Variants in PPARA observed in about 807,000 individuals in gnomAD.
PPARA encodes the protein peroxisome proliferator activated receptor alpha, also known as peroxisome proliferator-activated receptor alpha.
A neutral mutation model predicts 42.2 loss-of-function variants in PPARA; 22 were observed. The ratio of observed to expected loss-of-function variants is 0.52; its 90% CI spans 0.37 to 0.74. The LOEUF (loss-of-function observed/expected upper bound fraction) is 0.74, where lower values mean the gene tolerates loss of function less well. Among genes scored for constraint, PPARA ranks in the 30% least tolerant of loss-of-function variants. The pLI is 0.00. For missense variants in PPARA, 465 were observed against 608.2 expected, an observed-to-expected ratio of 0.76 and a Z score of 2.48; for synonymous variants, 242 against 239.3, an observed-to-expected ratio of 1.01 and a Z score of -0.10.
At position 46,183,545 on chromosome 22, in the gene PPARA, C is replaced by A. The variant is rs777786668; in HGVS notation, c.-43+6709C>A. ...TCACTTGAGTTCAGGAGTTTGAGAC[C>A]AGCCTGGGCAACATGGCGAAACCCT... On this transcript the variant is annotated intron_variant, in intron 3 of 8. Transcript: ENST00000407236. The surrounding 1 kb of genome is among the most constrained non-coding windows in gnomAD (Gnocchi z 5.5). 1.3e-5 allele frequency among the ~76,000 whole-genome samples: 2 copies of A among 151,876 alleles called. No homozygotes were observed. Among genetic ancestry groups the A allele is most frequent in the Non-Finnish European group, 2.9e-5 (2 of 68,030 alleles).
intron 4 of PPARA, 139 bp downstream of exon 4, chr22:46,198,730 G>C: frequency 3.5e-6 from 3 of 867,236 alleles, no homozygotes; most frequent in Non-Finnish European, 5.2e-6. Context: ...GCTCGATCTC[G>C]GCTCACTGCA....
At chr22:46,215,897 A>G (rs1324591146) in intron 5 of PPARA, among the ~76,000 whole-genome samples, 1 of 152,146 alleles carries the variant, frequency 6.6e-6, no homozygotes, top group African/African-American at 2.4e-5. Context: ...AGAATCTAAT[A>G]CTTGATGTTC....
chr22:46,226,153 G>GCA (rs1424434033), intron 7 of PPARA, among the ~76,000 whole-genome samples: 2 of 121,590 alleles, frequency 1.6e-5, no homozygotes, highest in Non-Finnish European at 3.2e-5. Context: ...ATACAAGCAT[G>GCA]CACACATATA....
At chr22:46,157,929 A>T (rs561861155) in intron 2 of PPARA, among the ~76,000 whole-genome samples, 76 of 152,298 alleles carry the variant, frequency 5.0e-4, no homozygotes, top group Non-Finnish European at 9.1e-4. Flanking sequence ...TTATATTTTA[A>T]CTTATAGACC....
chr22:46,169,900 TC>T (rs1927724627), intron 2 of PPARA, among the ~76,000 whole-genome samples: 1 of 151,950 alleles, frequency 6.6e-6, no homozygotes, highest in Non-Finnish European at 1.5e-5. Context: ...CATGTAGGCA[TC>T]CTGACTACGT....
chr22:46,151,307 G>C (rs1924385872), intron 1 of PPARA: 3 of 152,246 alleles, frequency 2.0e-5, no homozygotes, highest in Admixed American at 6.5e-5. Context: ...GGCTGCGCTG[G>C]GCCGGGTGGC....
rs1936326305 is a variant in PPARA at position 46,239,846 on chromosome 22, TC to T, written c.*4469del. ...CTCTCTGTGTTTGGTTCCAAGCACTTCCCACCTCAAACTCCCATTTTCAAAC... is the reference window on the plus strand; with the variant it reads ...CTCTCTGTGTTTGGTTCCAAGCACTTCCACCTCAAACTCCCATTTTCAAAC... On this transcript the variant is annotated 3_prime_UTR_variant, in exon 9 of 9. Transcript: ENST00000407236. 1 of 230,930 alleles carries T rather than the reference TC, an allele frequency of 4.3e-6. No individual in the cohort carries two copies. Among genetic ancestry groups the T allele is most frequent in the Admixed American group, 5.7e-5 (1 of 17,428 alleles). 14.3% of individuals were successfully genotyped at this position (230,930 alleles called of 1,614,324 possible).
rs1935775441 is a variant in PPARA at position 46,230,258 on chromosome 22, C to A, written c.712-1534C>A. ...TGGTGGCGCATGCCTGTAATCCCAG[C>A]TACTCAGAAGGCTGAGGCGGGAGAA... is the stretch of plus-strand genomic sequence containing the variant. On this transcript the variant is annotated intron_variant, in intron 7 of 8. Coordinates refer to ENST00000407236, the MANE Select transcript of PPARA (RefSeq NM_005036.6). The surrounding 1 kb of genome is among the most constrained non-coding windows in gnomAD (Gnocchi z 5.0). Among the ~76,000 whole-genome samples, 2 of 152,160 alleles carry A rather than the reference C, an allele frequency of 1.3e-5. No individual in the cohort carries two copies. The highest frequency in any genetic ancestry group is 2.9e-5 in the Non-Finnish European group (2 of 68,034).
Position 46,185,960 on chromosome 22 carries a change from T to TACACACAC in PPARA, c.-43+9125_-43+9126insCACACACA, listed in dbSNP as rs1379937794. 9.3e-5 allele frequency among the ~76,000 whole-genome samples: 4 copies of TACACACAC among 42,942 alleles called. 1 individual carries two copies. The highest frequency in any genetic ancestry group is 3.4e-4 in the African/African-American group (4 of 11,718). The allele number at this position is 42,942 out of a possible 152,430, so 28.2% of individuals were successfully genotyped here. ...ATATATATATATATATATATATATA[T>TACACACAC]ATATACACACACACTAACCTTCAGC... is the stretch of plus-strand genomic sequence containing the variant. On this transcript the variant is annotated intron_variant, in intron 3 of 8. Coordinates refer to ENST00000407236, the MANE Select transcript of PPARA (RefSeq NM_005036.6).
chr22:46,217,424 G>GT (rs781133771), intron 5 of PPARA, among the ~76,000 whole-genome samples: 25 of 152,126 alleles, frequency 1.6e-4, no homozygotes, highest in Non-Finnish European at 3.4e-4. Context: ...ATTTAGTTTT[G>GT]TTTTTTATGG....
intron 3 of PPARA, among the ~76,000 whole-genome samples, chr22:46,185,907 AAAAAAAAAAATATATAT>A (rs1468991456): frequency 5.6e-5 from 4 of 71,220 alleles, no homozygotes; most frequent in Admixed American, 2.1e-4. Flanking sequence ...AAAAAAAAAA[AAAAAAAAAAATATATAT>A]ATATATATAT....
At position 46,193,753 on chromosome 22, in the gene PPARA, C is replaced by T. The variant is rs113883017; in HGVS notation, c.-42-4589C>T. On this transcript the variant is annotated intron_variant, in intron 3 of 8. Transcript: ENST00000407236. The surrounding 1 kb of genome is among the most constrained non-coding windows in gnomAD (Gnocchi z 5.3). ...TACCTTTTCCCAACACCCTATCCAC[C>T]TGTCCCTCACCTCTCAGCTTTTGTG... 6.6e-6 allele frequency among the ~76,000 whole-genome samples: 1 copy of T among 152,204 alleles called. No individual in the cohort carries two copies. The highest frequency in any genetic ancestry group is 2.4e-5 in the African/African-American group (1 of 41,456).
In PPARA at chr22:46,243,192, T is replaced by A. The variant is rs914015717; in HGVS notation, c.*7812T>A. On this transcript the variant is annotated 3_prime_UTR_variant, in exon 9 of 9. Coordinates refer to ENST00000407236, the MANE Select transcript of PPARA (RefSeq NM_005036.6). This position sits in a 1 kb window ranked among gnomAD's most constrained non-coding sequence, Gnocchi z 5.0. ...GCATATTGGTTACACCCTCTGGGAT[T>A]CATAATGCCATTAGGCTAAAACCCT... 1.3e-5 allele frequency: 2 copies of A among 152,228 alleles called. No homozygotes were observed. Among genetic ancestry groups the A allele is most frequent in the Non-Finnish European group, 2.9e-5 (2 of 68,044 alleles). The allele number at this position is 152,228 out of a possible 1,614,324, so 9.4% of individuals were successfully genotyped here.
intron 4 of PPARA, among the ~76,000 whole-genome samples, chr22:46,201,334 C>A (rs778460228): frequency 6.6e-6 from 1 of 152,026 alleles, no homozygotes; most frequent in Non-Finnish European, 1.5e-5. Context: ...CTCTGGGGGG[C>A]CTTTGTGACC....
At position 46,203,458 on chromosome 22, in the gene PPARA, A is replaced by G. The variant is rs1464572722; in HGVS notation, c.208+4867A>G. On this transcript the variant is annotated intron_variant, in intron 4 of 8. Transcript: ENST00000407236. The surrounding 1 kb of genome is among the most constrained non-coding windows in gnomAD (Gnocchi z 5.8). ...AATAAACTGCATGTATTTAAAGTGT[A>G]CAATCTGTTGGGTGTACACACACAC... 6.6e-6 allele frequency among the ~76,000 whole-genome samples: 1 copy of G among 152,160 alleles called. No homozygotes were observed. Among genetic ancestry groups the G allele is most frequent in the Non-Finnish European group, 1.5e-5 (1 of 68,038 alleles).
chr22:46,238,137 G>GT lies in PPARA; in HGVS notation c.*2757_*2758insT, dbSNP rs1936271905. ...CCTTAAGGCCCAGCAAGACTTCCAG[G>GT]GACATCTCTGGTGAAGCCAGAATGG... On this transcript the variant is annotated 3_prime_UTR_variant, in exon 9 of 9. Coordinates refer to ENST00000407236, the MANE Select transcript of PPARA (RefSeq NM_005036.6). This position sits in a 1 kb window ranked among gnomAD's most constrained non-coding sequence, Gnocchi z 8.3. 1 of 152,198 alleles carries GT rather than the reference G, an allele frequency of 6.6e-6. No individual in the cohort carries two copies. Among genetic ancestry groups the GT allele is most frequent in the Non-Finnish European group, 1.5e-5 (1 of 68,040 alleles). 9.4% of individuals were successfully genotyped at this position (152,198 alleles called of 1,614,324 possible).
Position 46,195,303 on chromosome 22 carries a change from T to A in PPARA, c.-42-3039T>A, listed in dbSNP as rs1001684208. Reference sequence around the variant, plus strand: ...TGTTCATAGTGAAAAATATTTTAAGTAATGCTTACCCCATTATGTTTCTTG... The same window carrying A: ...TGTTCATAGTGAAAAATATTTTAAGAAATGCTTACCCCATTATGTTTCTTG... On this transcript the variant is annotated intron_variant, in intron 3 of 8. Transcript: ENST00000407236. This position sits in a 1 kb window ranked among gnomAD's most constrained non-coding sequence, Gnocchi z 4.6. Among the ~76,000 whole-genome samples, 15 of 152,148 alleles carry A rather than the reference T, an allele frequency of 9.9e-5. No homozygotes were observed. The highest frequency in any genetic ancestry group is 7.9e-4 in the Admixed American group (12 of 15,270).
chr22:46,191,147 T>C lies in PPARA; in HGVS notation c.-42-7195T>C, dbSNP rs1306070809. Reference sequence around the variant, plus strand: ...GGCGTGGGGTTGCAGTGAGCCGAGATTGCACAACTGCACTCCAGCCTGGGT... The same window carrying C: ...GGCGTGGGGTTGCAGTGAGCCGAGACTGCACAACTGCACTCCAGCCTGGGT... On this transcript the variant is annotated intron_variant, in intron 3 of 8. Coordinates refer to ENST00000407236, the MANE Select transcript of PPARA (RefSeq NM_005036.6). This position sits in a 1 kb window ranked among gnomAD's most constrained non-coding sequence, Gnocchi z 4.6. Among the ~76,000 whole-genome samples, 2 of 152,098 alleles carry C rather than the reference T, an allele frequency of 1.3e-5. No homozygotes were observed. Among genetic ancestry groups the C allele is most frequent in the African/African-American group, 4.8e-5 (2 of 41,416 alleles).
intron 3 of PPARA, among the ~76,000 whole-genome samples, chr22:46,186,019 A>G (rs1335785238): frequency 1.6e-5 from 2 of 126,290 alleles, no homozygotes; most frequent in Non-Finnish European, 1.6e-5. Context: ...TTATCTTTCT[A>G]CTTGGTTGGT....
Sources: gnomAD v4.1 joint callset for allele counts (sites outside exome capture counted in the v4.1 genomes callset) on GRCh38, gnomAD v4.1.1 for gene constraint, Gnocchi (gnomAD v3.1) non-coding constraint, MANE v1.5 for transcripts, NCBI Gene and HGNC (gene_info 2026-07-23, HGNC 2026-07-21) for gene names.